Variants in ARIH1 observed in about 807,000 individuals in gnomAD.
ARIH1 encodes ariadne RBR E3 ubiquitin protein ligase 1, also known as E3 ubiquitin-protein ligase ARIH1.
Under a neutral mutation model 85.0 loss-of-function variants are expected in ARIH1, and 8 were observed. That is an observed-to-expected ratio of 0.09 (90% CI 0.06 to 0.17). The LOEUF is 0.17. Ranked by LOEUF, ARIH1 falls within the 10% of genes least tolerant of loss-of-function variation. The probability of loss-of-function intolerance (pLI) is 1.00; values close to 1 mark genes in which losing one functional copy is unlikely to be tolerated. For synonymous variants in ARIH1, 238 were observed against 253.6 expected (o/e 0.94, Z 0.59); for missense variants, 311 against 718.1 (o/e 0.43, Z 6.48).
intron 3 of ARIH1, among the ~76,000 whole-genome samples, chr15:72,553,523 T>A (rs2064161551): frequency 6.6e-6 from 1 of 152,150 alleles, no homozygotes; most frequent in Non-Finnish European, 1.5e-5. Context: ...GATAACTTTT[T>A]AAATTCACCC....
At position 72,508,588 on chromosome 15, in the gene ARIH1, A is replaced by G. The variant is rs1456333847; in HGVS notation, c.376-9479A>G. On this transcript the variant is annotated intron_variant, in intron 1 of 13. Coordinates refer to ENST00000379887, the MANE Select transcript of ARIH1 (RefSeq NM_005744.5). The stretch of plus-strand genomic sequence containing the variant: ...GCATAAAATATTGATGTGAGTATTA[A>G]ATGAAATAATGTATATAAAGTATCT... Among the ~76,000 whole-genome samples the G allele has an allele frequency of 2.0e-5, 3 of 152,244 alleles. No homozygotes were observed. In the East Asian group the frequency reaches 5.8e-4, roughly 29 times the overall value.
Position 72,484,435 on chromosome 15 carries a change from G to A in ARIH1, c.375+9421G>A, listed in dbSNP as rs1357932224. Among the ~76,000 whole-genome samples the A allele has an allele frequency of 3.3e-5, 5 of 150,488 alleles. No homozygotes were observed. The South Asian group carries it at 8.4e-4, about 25-fold the overall frequency. On this transcript the variant is annotated intron_variant, in intron 1 of 13. Transcript: ENST00000379887. ...CACCCCCTTCTCACCTTTTTCCCCCGAGTCCCCAGAGTTCATTATATCAAT... is the reference window on the plus strand; with the variant it reads ...CACCCCCTTCTCACCTTTTTCCCCCAAGTCCCCAGAGTTCATTATATCAAT...
At chr15:72,516,756 A>T (rs2063976843) in intron 1 of ARIH1, among the ~76,000 whole-genome samples, 1 of 152,238 alleles carries the variant, frequency 6.6e-6, no homozygotes, top group Non-Finnish European at 1.5e-5. Flanking sequence ...CAATTGACAT[A>T]CATTTCTTTC....
intron 1 of ARIH1, among the ~76,000 whole-genome samples, chr15:72,500,239 C>T (rs754200355): frequency 1.8e-4 from 28 of 152,018 alleles, no homozygotes; most frequent in Non-Finnish European, 2.4e-4. Flanking sequence ...GGACTACAGG[C>T]GCACACCACC....
At chr15:72,484,747 A>ATG (rs1567336507) in intron 1 of ARIH1, among the ~76,000 whole-genome samples, 1 of 145,830 alleles carries the variant, frequency 6.9e-6, no homozygotes, top group African/African-American at 2.5e-5. Flanking sequence ...GTATATATAT[A>ATG]TGTGTGCATA....
intron 9 of ARIH1, among the ~76,000 whole-genome samples, chr15:72,569,620 T>C (rs891610303): frequency 4.6e-5 from 7 of 152,132 alleles, no homozygotes; most frequent in Admixed American, 1.3e-4. Flanking sequence ...ACTATAAGAA[T>C]TATGAGTTGA....
chr15:72,573,219 C>T (rs565831771), intron 11 of ARIH1, among the ~76,000 whole-genome samples: 1 of 152,294 alleles, frequency 6.6e-6, no homozygotes, highest in Admixed American at 6.5e-5. Flanking sequence ...GTAACCTAGT[C>T]TGTCATATTG....
chr15:72,545,433 T>C (rs1435324035), intron 3 of ARIH1, among the ~76,000 whole-genome samples: 1 of 152,224 alleles, frequency 6.6e-6, no homozygotes, highest in Non-Finnish European at 1.5e-5. Flanking sequence ...GATTGTTAAA[T>C]ATGGTATGTG....
intron 2 of ARIH1, among the ~76,000 whole-genome samples, chr15:72,539,517 A>T (rs533516805): frequency 6.6e-6 from 1 of 152,332 alleles, no homozygotes; most frequent in South Asian, 2.1e-4. Flanking sequence ...AGCAGAAAGA[A>T]ATAGAGCAGG....
chr15:72,548,379 T>C (rs943976408), intron 3 of ARIH1, among the ~76,000 whole-genome samples: 2 of 152,128 alleles, frequency 1.3e-5, no homozygotes, highest in South Asian at 2.1e-4. Flanking sequence ...TTTAAAAAGT[T>C]AATTTGAAAT....
At chr15:72,574,362 C>CG (rs1750083183) in intron 11 of ARIH1, among the ~76,000 whole-genome samples, 1 of 152,234 alleles carries the variant, frequency 6.6e-6, no homozygotes, top group Admixed American at 6.5e-5. Flanking sequence ...TTGGGAGCCA[C>CG]GCCTCCCTGA....
rs1337130631 is a variant in ARIH1 at position 72,526,878 on chromosome 15, A to C, written c.443+8744A>C. Among the ~76,000 whole-genome samples the C allele has an allele frequency of 5.1e-5, 3 of 58,742 alleles. No homozygotes were observed. The East Asian group carries it at 1.8e-3, about 35-fold the overall frequency. 38.5% of individuals were successfully genotyped at this position (58,742 alleles called of 152,430 possible). A position where few individuals can be genotyped will look rare whatever the true frequency, so the allele number is the denominator to read the frequency against. Reference sequence around the variant, plus strand: ...TCTAATGCTTTTTTTTTTTTTTTTAAATCTCTGCAGATTAATTTCTCTTCT... The same window carrying C: ...TCTAATGCTTTTTTTTTTTTTTTTACATCTCTGCAGATTAATTTCTCTTCT... On this transcript the variant is annotated intron_variant, in intron 2 of 13. Transcript: ENST00000379887.
chr15:72,579,549 G>T (rs1195881701), intron 11 of ARIH1, among the ~76,000 whole-genome samples: 1 of 152,164 alleles, frequency 6.6e-6, no homozygotes, highest in African/African-American at 2.4e-5. Context: ...TTTTTGTAAT[G>T]ATGTAAATGT....
rs376701619 is a variant in ARIH1, at chr15:72,582,129, C to A, written c.1531C>A (p.Arg511=). The A allele has an allele frequency of 2.7e-5, 43 of 1,613,358 alleles. No homozygotes were observed. Among genetic ancestry groups the A allele is most frequent in the Non-Finnish European group, 3.4e-5 (40 of 1,179,598 alleles). Reference sequence around the variant, plus strand: ...AGAGGTGCTCTCGGGCTACCTTGAACGAGATATTTCCCAAGATTCTCTGCA... The same window carrying A: ...AGAGGTGCTCTCGGGCTACCTTGAAAGAGATATTTCCCAAGATTCTCTGCA... ...ATEVLSGYLE[R]DISQDSLQDI... is the part of the protein sequence containing the mutation. Residue 511 remains arginine, a synonymous_variant, in exon 13 of 14, where the codon CGA becomes AGA. Transcript: ENST00000379887. The surrounding 1 kb of genome is among the most constrained non-coding windows in gnomAD (Gnocchi z 4.6).
At chr15:72,572,559 A>G (rs1161384171) in intron 11 of ARIH1, among the ~76,000 whole-genome samples, 1 of 152,234 alleles carries the variant, frequency 6.6e-6, no homozygotes, top group Admixed American at 6.5e-5. Context: ...GGATTTGTGA[A>G]AGACATTCCA....
chr15:72,525,947 T>C (rs1399225612), intron 2 of ARIH1, among the ~76,000 whole-genome samples: 1 of 152,144 alleles, frequency 6.6e-6, no homozygotes, highest in Non-Finnish European at 1.5e-5. Flanking sequence ...AATCTCCACA[T>C]TTTTTGCATA....
At chr15:72,521,494 C>T (rs1327008566) in intron 2 of ARIH1, among the ~76,000 whole-genome samples, 2 of 151,626 alleles carry the variant, frequency 1.3e-5, no homozygotes, top group Non-Finnish European at 2.9e-5. Flanking sequence ...TTGATGCTTT[C>T]TGGAATTCCT....
intron 2 of ARIH1, among the ~76,000 whole-genome samples, chr15:72,535,175 A>T (rs1396641844): frequency 1.4e-5 from 2 of 146,052 alleles, no homozygotes; most frequent in Non-Finnish European, 3.0e-5. Flanking sequence ...ATGGTCTCGA[A>T]CTCCTGACCT....
At position 72,588,738 on chromosome 15, in the gene ARIH1, G is replaced by A. The variant is rs940735160; in HGVS notation, c.*5446G>A. 2.0e-5 allele frequency: 3 copies of A among 152,150 alleles called. No homozygotes were observed. The highest frequency in any genetic ancestry group is 7.2e-5 in the African/African-American group (3 of 41,428). 9.4% of individuals were successfully genotyped at this position (152,150 alleles called of 1,614,324 possible). A position where few individuals can be genotyped will look rare whatever the true frequency, so the allele number is the denominator to read the frequency against. On this transcript the variant is annotated 3_prime_UTR_variant, in exon 14 of 14. Transcript: ENST00000379887. ...TGGTTTTTTGTTGGTTTTCTGGTAA[G>A]TGGTCCACCTTGGAGAAAATCACAA...
Sources: allele counts gnomAD v4.1 joint callset (sites outside exome capture counted in the v4.1 genomes callset), GRCh38; gene constraint gnomAD v4.1.1; non-coding constraint Gnocchi (gnomAD v3.1); transcripts MANE v1.5; gene names NCBI Gene and HGNC (gene_info 2026-07-23, HGNC 2026-07-21).